Variants in BABAM2 observed in about 807,000 individuals in gnomAD.
The protein encoded by BABAM2 is BRISC and BRCA1 A complex member 2, also known as BRISC and BRCA1-A complex member 2.
A neutral mutation model predicts 54.7 loss-of-function variants in BABAM2; 31 were observed. The observed-to-expected ratio is 0.57, with a 90% CI of 0.43 to 0.77. The LOEUF (loss-of-function observed/expected upper bound fraction) is 0.77, where lower values mean the gene tolerates loss of function less well. BABAM2 is among the 30% of genes least tolerant of loss of function. The pLI, the probability that BABAM2 is intolerant of heterozygous loss-of-function variation, is 0.00. For missense variants in BABAM2, 364 were observed against 455.8 expected (o/e 0.80, Z 1.83); for synonymous variants, 167 against 162.9 (o/e 1.03, Z -0.19).
At chr2:28,138,320 G>A (rs1177622720) in intron 7 of BABAM2, among the ~76,000 whole-genome samples, 2 of 152,090 alleles carry the variant, frequency 1.3e-5, no homozygotes, top group East Asian at 1.9e-4. Context: ...TAGACATATC[G>A]TAAGGAAACT....
chr2:28,240,481 TAC>T (rs1308195731), intron 8 of BABAM2, among the ~76,000 whole-genome samples: 1 of 152,138 alleles, frequency 6.6e-6, no homozygotes. Flanking sequence ...CACACACACA[TAC>T]ACACACTCAA....
At chr2:28,326,503 G>A (rs1361694515) in intron 11 of BABAM2, among the ~76,000 whole-genome samples, 9 of 152,162 alleles carry the variant, frequency 5.9e-5, no homozygotes, top group African/African-American at 1.9e-4. Context: ...ACCTGGCCTC[G>A]TTCCCAGCCC....
intron 7 of BABAM2, among the ~76,000 whole-genome samples, chr2:28,184,089 A>G (rs974891056): frequency 3.9e-5 from 6 of 152,196 alleles, no homozygotes; most frequent in Non-Finnish European, 7.3e-5. Context: ...CACTTTGACT[A>G]TTGTTAGCCT....
At chr2:28,235,907 A>T (rs779766265) in intron 7 of BABAM2, among the ~76,000 whole-genome samples, 2 of 150,258 alleles carry the variant, frequency 1.3e-5, no homozygotes, top group Non-Finnish European at 3.0e-5. Context: ...TGATTTGCCA[A>T]CCTCAGCCTC....
At chr2:28,040,599 C>T (rs533977971) in intron 5 of BABAM2, among the ~76,000 whole-genome samples, 1 of 152,182 alleles carries the variant, frequency 6.6e-6, no homozygotes, top group East Asian at 1.9e-4. Context: ...CGCGCCCGGC[C>T]GAAAAACTGA....
At chr2:27,908,306 C>G (rs1293700341) in intron 2 of BABAM2, among the ~76,000 whole-genome samples, 2 of 151,976 alleles carry the variant, frequency 1.3e-5, no homozygotes, top group Non-Finnish European at 2.9e-5. Context: ...GGGTCTCACT[C>G]TGTCATCCAG....
intron 11 of BABAM2, among the ~76,000 whole-genome samples, chr2:28,331,556 AT>A (rs1558537019): frequency 6.6e-6 from 1 of 152,270 alleles, no homozygotes; most frequent in Non-Finnish European, 1.5e-5. Context: ...GCCAAGAAAT[AT>A]ATGAAAAAAT....
intron 4 of BABAM2, among the ~76,000 whole-genome samples, chr2:28,015,413 A>C (rs1284478367): frequency 6.6e-6 from 1 of 152,194 alleles, no homozygotes; most frequent in Non-Finnish European, 1.5e-5. Flanking sequence ...CATCTTAAAG[A>C]TGTATCCAGA....
chr2:27,995,256 G>A lies in BABAM2; in HGVS notation c.300+7169G>A, dbSNP rs1409134481. ...CTGGTTTCAGTGAAACAGGCTGGAG[G>A]ATGAGCACTAATAGGTCTTCTGCAT... is the stretch of plus-strand genomic sequence containing the variant. On this transcript the variant is annotated intron_variant, in intron 4 of 11. Coordinates refer to ENST00000379624, the MANE Select transcript of BABAM2 (RefSeq NM_199191.3). The surrounding 1 kb of genome is among the most constrained non-coding windows in gnomAD (Gnocchi z 4.1). Among the ~76,000 whole-genome samples, 2 of 152,154 alleles carry A rather than the reference G, an allele frequency of 1.3e-5. No individual in the cohort carries two copies. The highest frequency in any genetic ancestry group is 2.9e-5 in the Non-Finnish European group (2 of 68,028).
At chr2:28,166,478 C>T (rs1673689067) in intron 7 of BABAM2, among the ~76,000 whole-genome samples, 1 of 152,162 alleles carries the variant, frequency 6.6e-6, no homozygotes, top group African/African-American at 2.4e-5. Flanking sequence ...ACTAGTAAAT[C>T]TGGATTTGGA....
chr2:28,327,799 G>C (rs1012450663), intron 11 of BABAM2, among the ~76,000 whole-genome samples: 3 of 152,186 alleles, frequency 2.0e-5, no homozygotes, highest in Admixed American at 6.5e-5. Context: ...TTCCCACTGC[G>C]ATATCAAGCC....
intron 9 of BABAM2, among the ~76,000 whole-genome samples, chr2:28,242,222 C>T (rs896835761): frequency 6.6e-6 from 1 of 152,176 alleles, no homozygotes; most frequent in Non-Finnish European, 1.5e-5. Context: ...CACACAGATC[C>T]GGGCAGGAAA....
In BABAM2 at chr2:28,061,501, C is replaced by T. The variant is rs188770093; in HGVS notation, c.570+15702C>T. 4.7e-4 allele frequency among the ~76,000 whole-genome samples: 70 copies of T among 148,236 alleles called. No individual in the cohort carries two copies. The East Asian group carries it at 0.014, about 29-fold the overall frequency. ...TCGGGAGGCTGAGGCAGGAGAATGA[C>T]GTGAACCTGGGAGGCGGAGCTTGCA... On this transcript the variant is annotated intron_variant, in intron 6 of 11. Transcript: ENST00000379624.
chr2:28,147,537 G>T (rs905045264), intron 7 of BABAM2, among the ~76,000 whole-genome samples: 1 of 151,072 alleles, frequency 6.6e-6, no homozygotes, highest in Non-Finnish European at 1.5e-5. Context: ...GCAGTGGCAC[G>T]ATCTTGGCTC....
intron 7 of BABAM2, among the ~76,000 whole-genome samples, chr2:28,228,320 A>G (rs1019397270): frequency 1.4e-4 from 21 of 152,240 alleles, no homozygotes. Flanking sequence ...CTGGAAAGGC[A>G]GAAGGCTTTT....
At chr2:28,092,208 G>A (rs541463074) in intron 6 of BABAM2, among the ~76,000 whole-genome samples, 4 of 152,186 alleles carry the variant, frequency 2.6e-5, no homozygotes, top group African/African-American at 7.2e-5. Flanking sequence ...ATTCAACTTT[G>A]TAATCAATGC....
chr2:27,978,075 T>G (rs778647213), intron 3 of BABAM2, among the ~76,000 whole-genome samples: 1 of 152,166 alleles, frequency 6.6e-6, no homozygotes, highest in African/African-American at 2.4e-5. Context: ...CCTCCAAATA[T>G]CATGTTGAAA....
intron 2 of BABAM2, among the ~76,000 whole-genome samples, chr2:27,910,102 G>A (rs925600967): frequency 2.6e-5 from 4 of 152,160 alleles, no homozygotes; most frequent in Non-Finnish European, 4.4e-5. Context: ...ATCAGAATCT[G>A]TCCTATTGCC....
At chr2:28,117,601 C>T (rs924336084) in intron 6 of BABAM2, among the ~76,000 whole-genome samples, 44 of 152,174 alleles carry the variant, frequency 2.9e-4, no homozygotes, top group African/African-American at 9.9e-4. Flanking sequence ...TTTATTCTCT[C>T]CCACCACAGC....
Sources: gnomAD v4.1 joint callset for allele counts (sites outside exome capture counted in the v4.1 genomes callset) on GRCh38, gnomAD v4.1.1 for gene constraint, Gnocchi (gnomAD v3.1) non-coding constraint, MANE v1.5 for transcripts, NCBI Gene and HGNC (gene_info 2026-07-23, HGNC 2026-07-21) for gene names.